The following PTPRT variants were observed in gnomAD, a reference collection of about 807,000 sequenced individuals.
PTPRT encodes the protein receptor-type tyrosine-protein phosphatase T.
PTPRT carries 56 observed loss-of-function variants against 176.8 expected under a neutral mutation model. The observed-to-expected ratio is 0.32, with a 90% CI of 0.26 to 0.40. PTPRT has a LOEUF of 0.40. Ranked by LOEUF, PTPRT falls within the 10% of genes least tolerant of loss-of-function variation. The pLI, the probability that PTPRT is intolerant of heterozygous loss-of-function variation, is 1.00. For synonymous variants in PTPRT, 783 were observed against 739.0 expected (o/e 1.06, Z -0.96); for missense variants, 1,540 against 1,908.2 (o/e 0.81, Z 3.60).
intron 5 of PTPRT, among the ~76,000 whole-genome samples, chr20:42,759,682 A>T (rs993774948): frequency 6.6e-6 from 1 of 152,252 alleles, no homozygotes; most frequent in African/African-American, 2.4e-5. Flanking sequence ...CTTCTCGGAA[A>T]TTTTCTTCTG....
At chr20:42,109,670 C>T (rs565447797) in intron 23 of PTPRT, among the ~76,000 whole-genome samples, 1 of 152,316 alleles carries the variant, frequency 6.6e-6, no homozygotes, top group African/African-American at 2.4e-5. Flanking sequence ...AATATCCCCA[C>T]TCTGTGTTTA....
chr20:42,092,528 C>A (rs910755444), intron 27 of PTPRT, among the ~76,000 whole-genome samples: 27 of 152,310 alleles, frequency 1.8e-4, no homozygotes, highest in African/African-American at 5.8e-4. Context: ...AGTACCAAGG[C>A]TACAATTTGA....
At chr20:42,048,758 A>G in the PTPRT span, among the ~76,000 whole-genome samples, 249 of 152,190 alleles carry the variant, frequency 1.6e-3, no homozygotes, top group Admixed American at 2.6e-3. Context: ...GACCTGTATT[A>G]ATTGCTGACT....
At chr20:42,634,091 A>ATT (rs1201957455) in intron 7 of PTPRT, among the ~76,000 whole-genome samples, 1 of 46,518 alleles carries the variant, frequency 2.1e-5, no homozygotes. Flanking sequence ...TATATAATAT[A>ATT]ATAATATATA....
chr20:42,901,509 C>T (rs1378323591), intron 1 of PTPRT, among the ~76,000 whole-genome samples: 4 of 152,160 alleles, frequency 2.6e-5, no homozygotes, highest in African/African-American at 7.2e-5. Flanking sequence ...ATGACATATA[C>T]TTAACACCCG....
chr20:42,349,931 A>G (rs1194257247), intron 11 of PTPRT, among the ~76,000 whole-genome samples: 1 of 152,222 alleles, frequency 6.6e-6, no homozygotes, highest in Non-Finnish European at 1.5e-5. Context: ...TGGTAAAATC[A>G]GCAGTTTTAC....
chr20:42,125,908 C>CAT (rs1987830860), intron 19 of PTPRT, among the ~76,000 whole-genome samples: 2 of 151,386 alleles, frequency 1.3e-5, no homozygotes, highest in Non-Finnish European at 2.9e-5. Context: ...TCCTTAGGGT[C>CAT]ATATCCATGC....
At chr20:42,504,518 A>G (rs1568934553) in intron 7 of PTPRT, among the ~76,000 whole-genome samples, 1 of 152,096 alleles carries the variant, frequency 6.6e-6, no homozygotes, top group Non-Finnish European at 1.5e-5. Context: ...ATAATTTATC[A>G]TTTTGCTTTC....
At chr20:42,195,619 A>G (rs1400675520) in intron 16 of PTPRT, among the ~76,000 whole-genome samples, 1 of 152,232 alleles carries the variant, frequency 6.6e-6, no homozygotes, top group Admixed American at 6.5e-5. Flanking sequence ...GTCCTAACGT[A>G]TTCAGTGATT....
At chr20:42,205,676 T>G (rs2055437981) in intron 15 of PTPRT, among the ~76,000 whole-genome samples, 2 of 152,130 alleles carry the variant, frequency 1.3e-5, no homozygotes, top group Non-Finnish European at 2.9e-5. Flanking sequence ...CCCACTCTCC[T>G]GGGGAGACAC....
chr20:42,277,506 C>T (rs1281654998), intron 13 of PTPRT, among the ~76,000 whole-genome samples: 1 of 152,170 alleles, frequency 6.6e-6, no homozygotes, highest in African/African-American at 2.4e-5. Context: ...CTGACCCTAA[C>T]CAAGGCTGGA....
At chr20:42,714,166 G>C (rs1480518108) in intron 6 of PTPRT, among the ~76,000 whole-genome samples, 1 of 152,166 alleles carries the variant, frequency 6.6e-6, no homozygotes, top group East Asian at 1.9e-4. Context: ...AAGAGCTATG[G>C]GATAGCTGAG....
chr20:43,159,936 G>T (rs545480077), intron 1 of PTPRT, among the ~76,000 whole-genome samples: 10 of 151,306 alleles, frequency 6.6e-5, no homozygotes, highest in Admixed American at 2.0e-4. Context: ...GTAAGCTGCT[G>T]AGCTGCTAAC....
chr20:42,946,252 C>T (rs1465022198), intron 1 of PTPRT, among the ~76,000 whole-genome samples: 2 of 152,156 alleles, frequency 1.3e-5, no homozygotes, highest in African/African-American at 4.8e-5. Flanking sequence ...AACTTGCCCC[C>T]AAACAATGAA....
chr20:42,955,888 T>A (rs1981601971), intron 1 of PTPRT, among the ~76,000 whole-genome samples: 2 of 150,880 alleles, frequency 1.3e-5, no homozygotes, highest in South Asian at 4.2e-4. Flanking sequence ...AGGATGAACC[T>A]ATACAAGGCA....
chr20:42,206,372 G>A (rs542904821), intron 15 of PTPRT, among the ~76,000 whole-genome samples: 2 of 152,302 alleles, frequency 1.3e-5, no homozygotes, highest in African/African-American at 2.4e-5. Context: ...CTGAGGTACC[G>A]GGTTCATCTC....
chr20:42,905,704 T>C (rs1418335288), intron 1 of PTPRT, among the ~76,000 whole-genome samples: 2 of 152,194 alleles, frequency 1.3e-5, no homozygotes, highest in Non-Finnish European at 2.9e-5. Context: ...TAAGAAACTG[T>C]GGCACATATA....
intron 1 of PTPRT, among the ~76,000 whole-genome samples, chr20:42,951,615 T>C (rs1434197275): frequency 1.3e-5 from 2 of 152,140 alleles, no homozygotes; most frequent in African/African-American, 2.4e-5. Context: ...ATCTTTAAAG[T>C]AGTAAATAGA....
intron 18 of PTPRT, among the ~76,000 whole-genome samples, chr20:42,136,457 G>A (rs1337153706): frequency 6.6e-6 from 1 of 152,102 alleles, no homozygotes; most frequent in East Asian, 1.9e-4. Flanking sequence ...TATCAAGAGA[G>A]GCTGGCTTGG....
Sources: gnomAD v4.1 joint callset for allele counts (sites outside exome capture counted in the v4.1 genomes callset) on GRCh38, gnomAD v4.1.1 for gene constraint, MANE v1.5 for transcripts, NCBI Gene and HGNC (gene_info 2026-07-23, HGNC 2026-07-21) for gene names.